The following ITGA9 variants were observed in gnomAD, a reference collection of about 807,000 sequenced individuals.
ITGA9 encodes the protein integrin subunit alpha 9, also known as integrin alpha-9.
ITGA9 carries 56 observed loss-of-function variants against 127.8 expected under a neutral mutation model. That is an observed-to-expected ratio of 0.44 (90% CI 0.35 to 0.55). The LOEUF (loss-of-function observed/expected upper bound fraction) is 0.55, where lower values mean the gene tolerates loss of function less well. ITGA9 is among the 20% of genes least tolerant of loss of function. The pLI, the probability that ITGA9 is intolerant of heterozygous loss-of-function variation, is 0.00. For synonymous variants in ITGA9, 508 were observed against 514.5 expected (o/e 0.99, Z 0.17); for missense variants, 1,196 against 1,347.1 (o/e 0.89, Z 1.76).
intron 15 of ITGA9, among the ~76,000 whole-genome samples, chr3:37,558,133 A>G (rs955716682): frequency 1.3e-5 from 2 of 152,220 alleles, no homozygotes; most frequent in African/African-American, 2.4e-5. Flanking sequence ...GGAAAGCTCA[A>G]TGTGGGTCTG....
At chr3:37,731,310 C>T (rs551688983) in intron 18 of ITGA9, among the ~76,000 whole-genome samples, 65 of 152,196 alleles carry the variant, frequency 4.3e-4, no homozygotes, top group Middle Eastern at 3.4e-3. Flanking sequence ...CTCCGCCTCC[C>T]GGGTTCACGC....
In ITGA9 at chr3:37,743,948, G is replaced by A; in HGVS notation, c.2347G>A (p.Val783Ile). The part of the protein sequence containing the change: ...ITGIMSPTSF[V>I]YGESVDAANF... ...CAGAATCATGTCTCCAACCTCCTTT[G>A]TATATGGCGAGTCCGTGGACGCAGC... is the stretch of plus-strand genomic sequence containing the variant. The change falls in exon 22 of 28, where the codon GTA (valine) becomes ATA (isoleucine). Residue 783 changes from valine to isoleucine, a missense_variant. Transcript: ENST00000264741. 1 of 1,613,804 alleles carries A rather than the reference G, an allele frequency of 6.2e-7. No homozygotes were observed. Among genetic ancestry groups the A allele is most frequent in the Non-Finnish European group, 8.5e-7 (1 of 1,179,674 alleles).
chr3:37,550,569 T>A (rs577571466), intron 15 of ITGA9, among the ~76,000 whole-genome samples: 100 of 152,286 alleles, frequency 6.6e-4, no homozygotes, highest in African/African-American at 2.3e-3. Flanking sequence ...GAATGTGGAG[T>A]TAGGAAGAGA....
chr3:37,584,561 C>T (rs530647028), intron 15 of ITGA9, among the ~76,000 whole-genome samples: 1 of 152,162 alleles, frequency 6.6e-6, no homozygotes, highest in Admixed American at 6.5e-5. Context: ...TTGAGACCAT[C>T]CTGGCCAACG....
At position 37,791,978 on chromosome 3, in the gene ITGA9, A is replaced by G. The variant is rs552014412; in HGVS notation, c.2889+6900A>G. On this transcript the variant is annotated intron_variant, in intron 26 of 27. Transcript: ENST00000264741. ...TATAGTTACAATCATGTTCCATGTG[A>G]CAATAGAATCTTTCCCCCCTTGAAC... Among the ~76,000 whole-genome samples, 22 of 152,306 alleles carry G rather than the reference A, an allele frequency of 1.4e-4. 1 individual carries two copies. In the South Asian group the frequency reaches 4.4e-3, roughly 30 times the overall value.
chr3:37,732,219 C>A (rs550230739), intron 18 of ITGA9, among the ~76,000 whole-genome samples: 2 of 152,286 alleles, frequency 1.3e-5, no homozygotes, highest in Non-Finnish European at 2.9e-5. Context: ...CCTCCCCACA[C>A]CCTGGGGAGA....
chr3:37,741,681 G>A (rs987529404), intron 20 of ITGA9, 49 bp from the exon 21 acceptor site: 2 of 1,436,742 alleles, frequency 1.4e-6, no homozygotes, highest in East Asian at 2.3e-5. Context: ...GCCCACTGCT[G>A]GACAGCTAGT....
At chr3:37,556,364 G>A (rs1329342779) in intron 15 of ITGA9, among the ~76,000 whole-genome samples, 2 of 152,162 alleles carry the variant, frequency 1.3e-5, no homozygotes, top group African/African-American at 2.4e-5. Context: ...GTCAAGACTC[G>A]TTTCATAGTT....
chr3:37,524,181 C>T (rs1356922081), intron 12 of ITGA9, among the ~76,000 whole-genome samples: 1 of 152,166 alleles, frequency 6.6e-6, no homozygotes, highest in East Asian at 1.9e-4. Context: ...ATTTCAAACC[C>T]AACCCCAAGT....
At chr3:37,798,919 T>A (rs1161011042) in intron 26 of ITGA9, among the ~76,000 whole-genome samples, 3 of 152,212 alleles carry the variant, frequency 2.0e-5, no homozygotes, top group African/African-American at 7.2e-5. Flanking sequence ...TTTTTGAAAA[T>A]TATGCTTTGA....
intron 18 of ITGA9, among the ~76,000 whole-genome samples, chr3:37,704,291 A>C (rs549685256): frequency 6.6e-6 from 1 of 150,798 alleles, no homozygotes; most frequent in Non-Finnish European, 1.5e-5. Flanking sequence ...CCAGCTCCCC[A>C]CCAGCCTCCC....
At chr3:37,497,430 G>A (rs1443586329) in intron 5 of ITGA9, among the ~76,000 whole-genome samples, 1 of 151,844 alleles carries the variant, frequency 6.6e-6, no homozygotes, top group Admixed American at 6.6e-5. Flanking sequence ...GAGAGTGCCC[G>A]GGATCTACAA....
At chr3:37,692,788 A>G (rs1255205537) in intron 18 of ITGA9, among the ~76,000 whole-genome samples, 1 of 152,242 alleles carries the variant, frequency 6.6e-6, no homozygotes, top group Non-Finnish European at 1.5e-5. Context: ...CCCTCCAAAA[A>G]CAATGGCAGG....
intron 26 of ITGA9, among the ~76,000 whole-genome samples, chr3:37,797,612 G>T (rs766283630): frequency 1.3e-5 from 2 of 152,176 alleles, no homozygotes; most frequent in African/African-American, 4.8e-5. Flanking sequence ...ATAGTAAAAC[G>T]TAGAAAAGAG....
intron 15 of ITGA9, among the ~76,000 whole-genome samples, chr3:37,588,871 C>T (rs1699786012): frequency 6.6e-6 from 1 of 152,220 alleles, no homozygotes; most frequent in Admixed American, 6.5e-5. Context: ...CTGTCCTGCT[C>T]TTGCCTTTCT....
At chr3:37,558,864 C>G (rs1699456585) in intron 15 of ITGA9, among the ~76,000 whole-genome samples, 2 of 152,218 alleles carry the variant, frequency 1.3e-5, no homozygotes, top group Admixed American at 6.5e-5. Context: ...TTTCCACCAC[C>G]CTGACCTGCG....
Position 37,452,448 on chromosome 3 carries a change from T to G in ITGA9, c.74T>G (p.Ile25Ser), listed in dbSNP as rs1698202117. 2.0e-6 allele frequency: 3 copies of G among 1,479,130 alleles called. No individual in the cohort carries two copies. The highest frequency in any genetic ancestry group is 2.7e-6 in the Non-Finnish European group (3 of 1,113,880). The allele number at this position is 1,479,130 out of a possible 1,614,324, so 91.6% of individuals were successfully genotyped here. The change falls in exon 1 of 28, where the codon ATC (isoleucine) becomes AGC (serine). Residue 25 changes from isoleucine (I) to serine (S), a missense_variant. Coordinates refer to ENST00000264741, the MANE Select transcript of ITGA9 (RefSeq NM_002207.3). This position sits in a 1 kb window ranked among gnomAD's most constrained non-coding sequence, Gnocchi z 7.3. Reference sequence around the variant, plus strand: ...CTGCTGGCGCTGGTGGTCGCGGGGATCCCCGCGGGCGCCTACAACCTCGAC... The same window carrying G: ...CTGCTGGCGCTGGTGGTCGCGGGGAGCCCCGCGGGCGCCTACAACCTCGAC... ...ALLLALVVAG[I>S]PAGAYNLDPQ...
chr3:37,803,804 C>T lies in ITGA9; in HGVS notation c.2890-19C>T. 1.2e-6 allele frequency: 2 copies of T among 1,613,914 alleles called. No homozygotes were observed. The highest frequency in any genetic ancestry group is 1.7e-6 in the Non-Finnish European group (2 of 1,179,900). On this transcript the variant is annotated intron_variant, in intron 26 of 27. Transcript: ENST00000264741. Reference sequence around the variant, plus strand: ...AAAAATAAAAAAGGAAATGTTTTCACTGTTGCGTTGCCTCCTAGGTGGTCT... The same window carrying T: ...AAAAATAAAAAAGGAAATGTTTTCATTGTTGCGTTGCCTCCTAGGTGGTCT...
chr3:37,636,300 C>T (rs2125638597), intron 16 of ITGA9, among the ~76,000 whole-genome samples: 1 of 152,198 alleles, frequency 6.6e-6, no homozygotes, highest in Admixed American at 6.5e-5. Flanking sequence ...CCTGTTGTTT[C>T]CTGACTTTTT....
Sources: gnomAD v4.1 joint callset for allele counts (sites outside exome capture counted in the v4.1 genomes callset) on GRCh38, gnomAD v4.1.1 for gene constraint, Gnocchi (gnomAD v3.1) non-coding constraint, MANE v1.5 for transcripts, NCBI Gene and HGNC (gene_info 2026-07-23, HGNC 2026-07-21) for gene names.